Variants in BCAT1 observed in about 807,000 individuals in gnomAD.
BCAT1 encodes the protein branched chain amino acid transaminase 1.
A neutral mutation model predicts 52.4 loss-of-function variants in BCAT1; 48 were observed. The ratio of observed to expected loss-of-function variants is 0.92; its 90% confidence interval spans 0.73 to 1.16. The LOEUF (loss-of-function observed/expected upper bound fraction) is 1.16, where lower values mean the gene tolerates loss of function less well. Ranked by LOEUF, BCAT1 falls within the 50% of genes most tolerant of loss-of-function variation. BCAT1 has a pLI of 0.00. For synonymous variants in BCAT1, 167 were observed against 161.3 expected (o/e 1.04, Z -0.27); for missense variants, 451 against 457.1 (o/e 0.99, Z 0.12).
intron 1 of BCAT1, among the ~76,000 whole-genome samples, chr12:24,934,791 G>A (rs1943728666): frequency 6.6e-6 from 1 of 152,158 alleles, no homozygotes; most frequent in South Asian, 2.1e-4. Context: ...GACCTCAGGT[G>A]ATCCACCTGT....
intron 1 of BCAT1, among the ~76,000 whole-genome samples, chr12:24,936,725 A>ATCTCTCTCTCTCT (rs1943761039): frequency 1.0e-5 from 1 of 100,260 alleles, no homozygotes; most frequent in Non-Finnish European, 2.0e-5. Context: ...TCTCTCTCTC[A>ATCTCTCTCTCTCT]CACACACACA....
chr12:24,905,938 G>C (rs1453884195), intron 1 of BCAT1, among the ~76,000 whole-genome samples: 2 of 151,076 alleles, frequency 1.3e-5, no homozygotes, highest in Non-Finnish European at 2.9e-5. Context: ...CTGGTGGTTG[G>C]TAATAGAAGT....
intron 8 of BCAT1, 134 bp from the exon 9 acceptor site, chr12:24,832,997 G>C (rs1786025491): frequency 3.2e-6 from 3 of 950,214 alleles, no homozygotes; most frequent in South Asian, 3.8e-5. Context: ...GGGAAAGCTG[G>C]AAGTGGCACA....
Position 24,816,248 on chromosome 12 carries a change from A to T in BCAT1, c.*1760T>A. On this transcript the variant is annotated 3_prime_UTR_variant, in exon 11 of 11. Coordinates refer to ENST00000261192, the MANE Select transcript of BCAT1 (RefSeq NM_005504.7). Reference sequence around the variant, plus strand: ...ATGTGTTGCTAAATGCCTCAAGGAAATTTTTCCAATGCATCAAACTTTTAG... The same window carrying T: ...ATGTGTTGCTAAATGCCTCAAGGAATTTTTTCCAATGCATCAAACTTTTAG... 2.8e-6 allele frequency: 1 copy of T among 351,904 alleles called. No homozygotes were observed. The highest frequency in any genetic ancestry group is 7.4e-4 in the Middle Eastern group (1 of 1,348). The allele number at this position is 351,904 out of a possible 1,614,324, so 21.8% of individuals were successfully genotyped here.
At chr12:24,910,084 T>C (rs1385526790) in intron 1 of BCAT1, among the ~76,000 whole-genome samples, 1 of 152,088 alleles carries the variant, frequency 6.6e-6, no homozygotes, top group African/African-American at 2.4e-5. Context: ...TAAAAATAAA[T>C]TATTGTTGGC....
intron 5 of BCAT1, among the ~76,000 whole-genome samples, chr12:24,856,908 T>G (rs1398925122): frequency 1.3e-5 from 2 of 152,216 alleles, no homozygotes; most frequent in African/African-American, 4.8e-5. Context: ...AGCTTGACCT[T>G]GTAACCACGT....
At chr12:24,936,537 A>G (rs1943755913) in intron 1 of BCAT1, among the ~76,000 whole-genome samples, 1 of 152,166 alleles carries the variant, frequency 6.6e-6, no homozygotes, top group Non-Finnish European at 1.5e-5. Context: ...AAAACTACAC[A>G]AAATTATTAT....
rs148086748 is a variant in BCAT1 at position 24,897,850 on chromosome 12, G to A, written c.79-3375C>T. Among the ~76,000 whole-genome samples the A allele has an allele frequency of 2.4e-4, 36 of 152,142 alleles. No individual in the cohort carries two copies. In the East Asian group the frequency reaches 4.2e-3, roughly 18 times the overall value. ...ATTACAGGTGTGAGCTACCGCGCCC[G>A]GCATATATCCAGTTTTTCAAAGTAA... On this transcript the variant is annotated intron_variant, in intron 2 of 10. Transcript: ENST00000261192.
At chr12:24,887,856 A>G (rs1462956022) in intron 3 of BCAT1, among the ~76,000 whole-genome samples, 1 of 152,150 alleles carries the variant, frequency 6.6e-6, no homozygotes, top group Non-Finnish European at 1.5e-5. Context: ...TATTATCACT[A>G]TTTGAAACTT....
At chr12:24,827,204 T>G (rs1940440139) in intron 10 of BCAT1, among the ~76,000 whole-genome samples, 1 of 152,214 alleles carries the variant, frequency 6.6e-6, no homozygotes, top group African/African-American at 2.4e-5. Flanking sequence ...TAGCCAGTTA[T>G]GTATTTTTTG....
chr12:24,945,011 C>T (rs966581447), intron 1 of BCAT1, among the ~76,000 whole-genome samples: 4 of 152,124 alleles, frequency 2.6e-5, no homozygotes, highest in African/African-American at 7.2e-5. Context: ...AGTAGAAAAA[C>T]GTTTATGTGA....
chr12:24,901,832 C>T lies in BCAT1; in HGVS notation c.60G>A (p.Glu20=), dbSNP rs1169304029. The T allele has an allele frequency of 1.2e-6, 2 of 1,613,880 alleles. No homozygotes were observed. Among genetic ancestry groups the T allele is most frequent in the Non-Finnish European group, 1.7e-6 (2 of 1,179,898 alleles). The stretch of plus-strand genomic sequence containing the variant: ...AACTTACCTTAAAAGTCCCCACCAC[C>T]TCTTTTGATCCTCCTTCTCCGGTAC... ...AECTGEGGSK[E]VVGTFKAKDL... Residue 20 remains glutamate, a synonymous_variant, in exon 2 of 11, where the codon GAG becomes GAA. Transcript: ENST00000261192.
intron 5 of BCAT1, among the ~76,000 whole-genome samples, chr12:24,852,523 T>C (rs934310570): frequency 7.2e-5 from 11 of 152,234 alleles, no homozygotes; most frequent in African/African-American, 2.7e-4. Flanking sequence ...CAATAACGTG[T>C]TATGAAAATT....
rs3830305 is a variant in BCAT1 at position 24,829,792 on chromosome 12, GAAAGAAAAGA to G, written c.1119+21_1119+30del. The G allele has an allele frequency of 1.5e-4, 222 of 1,469,720 alleles. No individual in the cohort carries two copies. In the African/African-American group the frequency reaches 1.6e-3, roughly 11 times the overall value. 91.0% of individuals were successfully genotyped at this position (1,469,720 alleles called of 1,614,324 possible). On this transcript the variant is annotated intron_variant, in intron 10 of 10. Coordinates refer to ENST00000261192, the MANE Select transcript of BCAT1 (RefSeq NM_005504.7). ...TGACATAAAAAAAAGAAAAGAAAAG[GAAAGAAAAGA>G]AAAGAAAAGAAAAGCTTTACCTGGA... is the stretch of plus-strand genomic sequence containing the variant.
At chr12:24,824,985 A>G (rs1475580520) in intron 10 of BCAT1, among the ~76,000 whole-genome samples, 1 of 152,060 alleles carries the variant, frequency 6.6e-6, no homozygotes, top group Admixed American at 6.6e-5. Flanking sequence ...TAGCACCTGC[A>G]TGAGAACATG....
intron 10 of BCAT1, among the ~76,000 whole-genome samples, chr12:24,820,722 A>C (rs972141790): frequency 6.6e-6 from 1 of 152,210 alleles, no homozygotes; most frequent in Admixed American, 6.5e-5. Context: ...AATGTGCAGA[A>C]TTTTAATCTT....
At chr12:24,902,055 T>C in intron 1 of BCAT1, 170 bp from the exon 2 acceptor site, 6 of 1,536,654 alleles carry the variant, frequency 3.9e-6, no homozygotes, top group African/African-American at 1.4e-5. Flanking sequence ...CCAACAAGCG[T>C]GTCTTGGGAG....
intron 7 of BCAT1, among the ~76,000 whole-genome samples, chr12:24,838,555 T>C (rs1311278966): frequency 1.3e-5 from 2 of 151,888 alleles, no homozygotes; most frequent in African/African-American, 4.8e-5. Flanking sequence ...AACCGGACCT[T>C]TCCTAAAGCT....
intron 10 of BCAT1, among the ~76,000 whole-genome samples, chr12:24,827,793 A>G (rs1237900406): frequency 6.6e-6 from 1 of 152,246 alleles, no homozygotes; most frequent in African/African-American, 2.4e-5. Context: ...CTCTGTCTCA[A>G]AAAAACAAAC....
Sources: allele counts gnomAD v4.1 joint callset (sites outside exome capture counted in the v4.1 genomes callset), GRCh38; gene constraint gnomAD v4.1.1; transcripts MANE v1.5; gene names NCBI Gene and HGNC (gene_info 2026-07-23, HGNC 2026-07-21).